The following MYO3B variants were observed in gnomAD, a reference collection of about 807,000 sequenced individuals.
The protein encoded by MYO3B is myosin-IIIb.
Under a neutral mutation model 174.6 loss-of-function variants are expected in MYO3B, and 156 were observed. The observed-to-expected ratio is 0.89, with a 90% CI of 0.78 to 1.02. The LOEUF is 1.02. Among genes scored for constraint, MYO3B ranks in the 50% least tolerant of loss-of-function variants. MYO3B has a pLI of 0.00. For synonymous variants in MYO3B, 563 were observed against 569.1 expected (o/e 0.99, Z 0.15); for missense variants, 1,632 against 1,639.4 (o/e 1.00, Z 0.08).
At chr2:170,308,883 A>T (rs991203585) in intron 7 of MYO3B, among the ~76,000 whole-genome samples, 1 of 152,162 alleles carries the variant, frequency 6.6e-6, no homozygotes, top group Non-Finnish European at 1.5e-5. Context: ...CCAAGCAGAA[A>T]ATGAAAATGA....
chr2:170,192,771 T>C (rs1036159899), intron 1 of MYO3B, among the ~76,000 whole-genome samples: 2 of 151,686 alleles, frequency 1.3e-5, no homozygotes, highest in African/African-American at 4.8e-5. Context: ...ATATACTCTG[T>C]AATTTCAGTT....
At position 170,636,773 on chromosome 2, in the gene MYO3B, A is replaced by T. The variant is rs143989207; in HGVS notation, c.3734-14855A>T. Among the ~76,000 whole-genome samples the T allele has an allele frequency of 6.0e-4, 92 of 152,276 alleles. 3 individuals carry two copies. In the East Asian group the frequency reaches 0.018, roughly 29 times the overall value. On this transcript the variant is annotated intron_variant, in intron 32 of 34. Coordinates refer to ENST00000408978, the MANE Select transcript of MYO3B (RefSeq NM_138995.5). ...AATGCTGCCAGGTTTCTGATTGTTA[A>T]TATTTTATTTGACTAAACCAAGACA...
chr2:170,196,183 A>G (rs938168078), intron 1 of MYO3B, among the ~76,000 whole-genome samples: 1 of 152,290 alleles, frequency 6.6e-6, no homozygotes, highest in African/African-American at 2.4e-5. Flanking sequence ...TTTAGAATAG[A>G]GCCTGATTAT....
At chr2:170,443,928 T>C in intron 22 of MYO3B, 39 bp from the exon 23 acceptor site, 1 of 1,555,348 alleles carries the variant, frequency 6.4e-7, no homozygotes, top group Non-Finnish European at 8.8e-7. Flanking sequence ...ATTTCTTAAC[T>C]TTTCCTTTAA....
chr2:170,259,394 C>T (rs2093328482), intron 7 of MYO3B, among the ~76,000 whole-genome samples: 1 of 151,956 alleles, frequency 6.6e-6, no homozygotes, highest in Non-Finnish European at 1.5e-5. Flanking sequence ...AATAGATTAC[C>T]CAGAAATAAA....
intron 28 of MYO3B, among the ~76,000 whole-genome samples, chr2:170,505,520 A>G (rs886422945): frequency 1.4e-4 from 22 of 152,232 alleles, no homozygotes; most frequent in Non-Finnish European, 2.1e-4. Flanking sequence ...ATATTTTTAA[A>G]TTACCTTATG....
intron 22 of MYO3B, among the ~76,000 whole-genome samples, chr2:170,433,669 C>G (rs1282827370): frequency 6.6e-6 from 1 of 152,198 alleles, no homozygotes; most frequent in Non-Finnish European, 1.5e-5. Context: ...GCATGAGCCT[C>G]TTCTTTTTCG....
At chr2:170,573,983 A>G (rs112907389) in intron 32 of MYO3B, among the ~76,000 whole-genome samples, 3 of 152,322 alleles carry the variant, frequency 2.0e-5, no homozygotes, top group Non-Finnish European at 4.4e-5. Context: ...ATTCACCATT[A>G]GAAAACACCC....
intron 32 of MYO3B, among the ~76,000 whole-genome samples, chr2:170,606,952 G>A (rs899444010): frequency 3.3e-5 from 5 of 152,104 alleles, no homozygotes; most frequent in Admixed American, 2.6e-4. Flanking sequence ...CCCAGGAGGC[G>A]GAGGTTGCTG....
At chr2:170,363,378 C>CA (rs1553473423) in intron 8 of MYO3B, among the ~76,000 whole-genome samples, 7 of 152,226 alleles carry the variant, frequency 4.6e-5, no homozygotes, top group African/African-American at 1.7e-4. Context: ...AAACAACAGT[C>CA]AGAGGCTCTT....
intron 32 of MYO3B, among the ~76,000 whole-genome samples, chr2:170,632,914 C>A (rs1176537460): frequency 7.0e-6 from 1 of 142,164 alleles, no homozygotes; most frequent in Non-Finnish European, 1.6e-5. Context: ...GACACTTATA[C>A]CCTCCAAAGA....
chr2:170,564,919 C>A (rs189108767), intron 32 of MYO3B, among the ~76,000 whole-genome samples: 268 of 151,742 alleles, frequency 1.8e-3, no homozygotes, highest in Non-Finnish European at 2.2e-3. Flanking sequence ...CTTTTAATAT[C>A]CAATTAAAAT....
chr2:170,653,398 G>C lies in MYO3B; in HGVS notation c.*277G>C. On this transcript the variant is annotated 3_prime_UTR_variant, in exon 35 of 35. Coordinates refer to ENST00000408978, the MANE Select transcript of MYO3B (RefSeq NM_138995.5). The stretch of plus-strand genomic sequence containing the variant: ...GAACACCTTTACAATAGTTTAAACA[G>C]TCATTCATGCCCCCAGTGTCTAGGA... 2.5e-6 allele frequency: 1 copy of C among 405,680 alleles called. No individual in the cohort carries two copies. The highest frequency in any genetic ancestry group is 4.4e-6 in the Non-Finnish European group (1 of 225,796). 25.1% of individuals were successfully genotyped at this position (405,680 alleles called of 1,614,324 possible). A position where few individuals can be genotyped will look rare whatever the true frequency, so the allele number is the denominator to read the frequency against.
chr2:170,231,639 C>T (rs973703064), intron 6 of MYO3B, among the ~76,000 whole-genome samples: 3 of 152,244 alleles, frequency 2.0e-5, no homozygotes, highest in Non-Finnish European at 4.4e-5. Flanking sequence ...CGCTGAAGCT[C>T]ATCTTCCTTA....
chr2:170,618,942 C>T lies in MYO3B; in HGVS notation c.3734-32686C>T, dbSNP rs190728482. Among the ~76,000 whole-genome samples the T allele has an allele frequency of 5.4e-3, 818 of 152,254 alleles. 9 individuals carry two copies. Among genetic ancestry groups the T allele is most frequent in the Non-Finnish European group, 6.0e-3 (405 of 68,036 alleles). On this transcript the variant is annotated intron_variant, in intron 32 of 34. Transcript: ENST00000408978. ...CTAACAGAGCCTTAAAACAGAAGCA[C>T]AATCTTTCCATAACCTATGATTAGC...
Position 170,619,056 on chromosome 2 carries a change from C to T in MYO3B, c.3734-32572C>T, listed in dbSNP as rs186003983. ...ATGTGAAGCTAGACAACCAGTTAGA[C>T]CAGAAATTCTCAGAAGGGAGTATGC... On this transcript the variant is annotated intron_variant, in intron 32 of 34. Transcript: ENST00000408978. 2.3e-3 allele frequency among the ~76,000 whole-genome samples: 346 copies of T among 152,300 alleles called. 1 individual carries two copies. Among genetic ancestry groups the T allele is most frequent in the African/African-American group, 7.0e-3 (293 of 41,564 alleles).
intron 7 of MYO3B, among the ~76,000 whole-genome samples, chr2:170,268,265 T>A (rs1370332609): frequency 6.6e-6 from 1 of 152,022 alleles, no homozygotes; most frequent in African/African-American, 2.4e-5. Context: ...CAAACTCCAC[T>A]AAAGTAGGAT....
chr2:170,641,879 G>A lies in MYO3B; in HGVS notation c.3734-9749G>A, dbSNP rs1170133271. On this transcript the variant is annotated intron_variant, in intron 32 of 34. Coordinates refer to ENST00000408978, the MANE Select transcript of MYO3B (RefSeq NM_138995.5). The stretch of plus-strand genomic sequence containing the variant: ...TAAGTGGGGGGGGGGGGGGAGGGGC[G>A]GGGAGCCATAACCCAAATTAAATGA... Among the ~76,000 whole-genome samples, 5 of 99,784 alleles carry A rather than the reference G, an allele frequency of 5.0e-5. No homozygotes were observed. The East Asian group carries it at 1.8e-3, about 36-fold the overall frequency. The allele number at this position is 99,784 out of a possible 152,430, so 65.5% of individuals were successfully genotyped here. A position where few individuals can be genotyped will look rare whatever the true frequency, so the allele number is the denominator to read the frequency against.
chr2:170,524,640 C>T (rs1688890204), intron 30 of MYO3B: 1 of 324,574 alleles, frequency 3.1e-6, no homozygotes, highest in South Asian at 2.3e-5. Flanking sequence ...CGTGCCATAA[C>T]ACCTGGCTAA....
Sources: allele counts gnomAD v4.1 joint callset (sites outside exome capture counted in the v4.1 genomes callset), GRCh38; gene constraint gnomAD v4.1.1; transcripts MANE v1.5; gene names NCBI Gene and HGNC (gene_info 2026-07-23, HGNC 2026-07-21).